The following DENND4C variants were observed in gnomAD, a reference collection of about 807,000 sequenced individuals.
The protein encoded by DENND4C is DENN domain containing 4C, also known as DENN domain-containing protein 4C.
Under a neutral mutation model 203.0 loss-of-function variants are expected in DENND4C, and 108 were observed. The ratio of observed to expected loss-of-function variants is 0.53; its 90% CI spans 0.46 to 0.62. The LOEUF (loss-of-function observed/expected upper bound fraction) is 0.62, where lower values mean the gene tolerates loss of function less well. Among genes scored for constraint, DENND4C ranks in the 20% least tolerant of loss-of-function variants. The pLI is 0.00. For missense variants in DENND4C, 2,481 were observed against 2,301.2 expected (o/e 1.08, Z -1.60); for synonymous variants, 871 against 792.4 (o/e 1.10, Z -1.67).
At chr9:19,268,182 C>A (rs933140266) in intron 1 of DENND4C, among the ~76,000 whole-genome samples, 1 of 151,830 alleles carries the variant, frequency 6.6e-6, no homozygotes, top group African/African-American at 2.4e-5. Context: ...TCACTGTAGC[C>A]TCGACCTCTC....
At chr9:19,247,828 C>G (rs7867897) in intron 1 of DENND4C, among the ~76,000 whole-genome samples, 1 of 152,092 alleles carries the variant, frequency 6.6e-6, no homozygotes, top group South Asian at 2.1e-4. Flanking sequence ...ATGGTACTAT[C>G]GTTTACCCAC....
intron 1 of DENND4C, among the ~76,000 whole-genome samples, chr9:19,271,022 T>C (rs1831537645): frequency 6.6e-6 from 1 of 152,192 alleles, no homozygotes; most frequent in Non-Finnish European, 1.5e-5. Flanking sequence ...TGACCAAAGA[T>C]GTGGAAGACC....
intron 1 of DENND4C, among the ~76,000 whole-genome samples, chr9:19,255,880 G>A (rs1827796441): frequency 6.6e-6 from 1 of 152,226 alleles, no homozygotes; most frequent in South Asian, 2.1e-4. Flanking sequence ...TTGATTTATA[G>A]AGCCCTCTGT....
intron 12 of DENND4C, among the ~76,000 whole-genome samples, chr9:19,322,504 G>C (rs926394805): frequency 6.6e-6 from 1 of 151,918 alleles, no homozygotes. Flanking sequence ...GCTCAGGCCT[G>C]TAATCCCCGC....
chr9:19,334,705 T>C (rs74684228), intron 17 of DENND4C, among the ~76,000 whole-genome samples: 276 of 152,024 alleles, frequency 1.8e-3, no homozygotes, highest in African/African-American at 6.2e-3. Context: ...TTTGTACTGT[T>C]AGTAGAGATG....
intron 21 of DENND4C, among the ~76,000 whole-genome samples, 197 bp downstream of exon 21, chr9:19,341,311 C>CTTTTTTTT (rs5896841): frequency 8.3e-5 from 10 of 120,126 alleles, no homozygotes; most frequent in Non-Finnish European, 1.0e-4. Context: ...TTCTTTCTTT[C>CTTTTTTTT]TTTTTTTTTT....
At chr9:19,234,540 T>TTTG (rs1821411518) in intron 1 of DENND4C, among the ~76,000 whole-genome samples, 1 of 149,218 alleles carries the variant, frequency 6.7e-6, no homozygotes, top group African/African-American at 2.5e-5. Flanking sequence ...GTTTTTTTTT[T>TTTG]TTTTTTTTTT....
At chr9:19,308,338 T>C (rs1166261093) in intron 10 of DENND4C, among the ~76,000 whole-genome samples, 2 of 152,230 alleles carry the variant, frequency 1.3e-5, no homozygotes, top group Admixed American at 1.3e-4. Context: ...TTGCCAACAC[T>C]TGTGGTGACT....
chr9:19,253,942 A>T (rs933556658), intron 1 of DENND4C, among the ~76,000 whole-genome samples: 2 of 152,188 alleles, frequency 1.3e-5, no homozygotes, highest in African/African-American at 4.8e-5. Flanking sequence ...GAAGTTCAGA[A>T]CCAGCCTACG....
intron 17 of DENND4C, among the ~76,000 whole-genome samples, chr9:19,333,931 A>G (rs1819843515): frequency 6.6e-6 from 1 of 152,108 alleles, no homozygotes; most frequent in Non-Finnish European, 1.5e-5. Context: ...GACAAATCCT[A>G]TTTGTTCTGT....
intron 2 of DENND4C, among the ~76,000 whole-genome samples, chr9:19,283,244 G>A (rs1834490139): frequency 6.6e-6 from 1 of 151,938 alleles, no homozygotes; most frequent in Admixed American, 6.6e-5. Flanking sequence ...ACAGAGTCAG[G>A]ATCATCACTA....
Position 19,324,509 on chromosome 9 carries a change from TA to T in DENND4C, c.1953+6del, listed in dbSNP as rs1843393095. ...TTTTTTGATGACTGCATAGAAAAGG[TA>T]AAAGTTTGTACTTATACTAGTGTTT... On this transcript the variant is annotated splice_donor_region_variant and intron_variant, in intron 13 of 32. Coordinates refer to ENST00000434457, the MANE Select transcript of DENND4C (RefSeq NM_001330640.2). The T allele has an allele frequency of 1.9e-6, 3 of 1,600,764 alleles. No homozygotes were observed. The African/African-American group carries it at 4.1e-5, about 22-fold the overall frequency.
chr9:19,316,767 A>G lies in DENND4C; in HGVS notation c.1735A>G (p.Thr579Ala). 1.2e-6 allele frequency: 2 copies of G among 1,614,108 alleles called. No homozygotes were observed. Among genetic ancestry groups the G allele is most frequent in the Non-Finnish European group, 1.7e-6 (2 of 1,180,012 alleles). ...GGCGTCTATTTTAAAAGGATATAGA[A>G]CATATCTCAGACCAATCACAGAGGC... ...FMASILKGYR[T>A]YLRPITEAPS... Residue 579 changes from threonine to alanine, a missense_variant, in exon 12 of 33, where the codon ACA becomes GCA. Physicochemically the swap from Thr to Ala is moderately conservative, Grantham distance 58. Transcript: ENST00000434457.
Position 19,324,400 on chromosome 9 carries a change from T to C in DENND4C, c.1846T>C (p.Tyr616His), listed in dbSNP as rs761686721. ...TCGAGATCGTGCCTATGCAAAATTC[T>C]ATACCCTTTTATCCAAAACACAGAT... ...KSRDRAYAKF[Y>H]TLLSKTQIFI... The change falls in exon 13 of 33, where the codon TAT becomes CAT. Residue 616 changes from tyrosine (Y) to histidine (H), a missense_variant. This residue lies in a region of DENND4C where 2,289 missense variants were observed against 2,113.3 expected (regional missense o/e 1.08). Transcript: ENST00000434457. The C allele has an allele frequency of 3.7e-6, 6 of 1,611,880 alleles. No homozygotes were observed. The highest frequency in any genetic ancestry group is 5.1e-6 in the Non-Finnish European group (6 of 1,179,350).
At chr9:19,255,937 C>G (rs1380375986) in intron 1 of DENND4C, among the ~76,000 whole-genome samples, 1 of 152,092 alleles carries the variant, frequency 6.6e-6, no homozygotes, top group African/African-American at 2.4e-5. Flanking sequence ...GAATATTCAT[C>G]AAGACAGACC....
At chr9:19,280,150 C>CTTCCTCCT (rs1182826700) in intron 2 of DENND4C, among the ~76,000 whole-genome samples, 1 of 151,806 alleles carries the variant, frequency 6.6e-6, no homozygotes, top group African/African-American at 2.4e-5. Flanking sequence ...GCCTTCCTCC[C>CTTCCTCCT]TTCCTCCCTT....
chr9:19,238,660 C>G (rs1328452194), intron 1 of DENND4C, among the ~76,000 whole-genome samples: 1 of 86,630 alleles, frequency 1.2e-5, no homozygotes, highest in African/African-American at 4.4e-5. Flanking sequence ...TTCCCCTGCC[C>G]CTTTTTTTTT....
At chr9:19,336,171 G>GTATATGTA in intron 18 of DENND4C, 99 bp from the exon 19 acceptor site, 1 of 912,598 alleles carries the variant, frequency 1.1e-6, no homozygotes. Context: ...TTATATTTGT[G>GTATATGTA]TATATATATA....
In DENND4C at chr9:19,372,329, T is replaced by A; in HGVS notation, c.*156T>A. ...TAATGAATTATGATTCATATTGCAT[T>A]ACCTTGAAATATGAAGTGCCATTTG... On this transcript the variant is annotated 3_prime_UTR_variant, in exon 33 of 33. Coordinates refer to ENST00000434457, the MANE Select transcript of DENND4C (RefSeq NM_001330640.2). 1 of 866,086 alleles carries A rather than the reference T, an allele frequency of 1.2e-6. No individual in the cohort carries two copies. The highest frequency in any genetic ancestry group is 1.7e-6 in the Non-Finnish European group (1 of 589,052). The allele number at this position is 866,086 out of a possible 1,614,324, so 53.7% of individuals were successfully genotyped here. A position where few individuals can be genotyped will look rare whatever the true frequency, so the allele number is the denominator to read the frequency against.
Sources: gnomAD v4.1 joint callset for allele counts (sites outside exome capture counted in the v4.1 genomes callset) on GRCh38, gnomAD v4.1.1 for gene constraint, gnomAD v4.1.1 regional missense constraint, MANE v1.5 for transcripts, NCBI Gene and HGNC (gene_info 2026-07-23, HGNC 2026-07-21) for gene names.